Variants in SYNCRIP observed in about 807,000 individuals in gnomAD.
The protein encoded by SYNCRIP is heterogeneous nuclear ribonucleoprotein Q.
In SYNCRIP, 9 loss-of-function variants were observed where a neutral mutation model predicts 68.9. That is an observed-to-expected ratio of 0.13 (90% CI 0.08 to 0.23). SYNCRIP has a LOEUF of 0.23. SYNCRIP is among the 10% of genes least tolerant of loss of function. The pLI, the probability that SYNCRIP is intolerant of heterozygous loss-of-function variation, is 1.00. For synonymous variants in SYNCRIP, 258 were observed against 254.0 expected (o/e 1.02, Z -0.15); for missense variants, 414 against 770.6 (o/e 0.54, Z 5.48).
chr6:85,637,039 G>A lies in SYNCRIP; in HGVS notation c.594C>T (p.Leu198=), dbSNP rs780409622. 7 of 1,614,118 alleles carry A rather than the reference G, an allele frequency of 4.3e-6. No homozygotes were observed. Among genetic ancestry groups the A allele is most frequent in the East Asian group, 4.5e-5 (2 of 44,878 alleles). The change falls in exon 6 of 11, where the codon CTC becomes CTT. Residue 198 remains leucine, a synonymous_variant. Coordinates refer to ENST00000369622, the MANE Select transcript of SYNCRIP (RefSeq NM_006372.5). ...IWDLRLMMDP[L]TGLNRGYAFV... ...ACGCATAACCTCTATTGAGACCAGT[G>A]AGTGGATCCATCATTAGACGAAGAT...
intron 6 of SYNCRIP, among the ~76,000 whole-genome samples, chr6:85,628,243 A>G (rs1446088119): frequency 6.6e-6 from 1 of 151,958 alleles, no homozygotes; most frequent in African/African-American, 2.4e-5. Flanking sequence ...TTTAGTAGAG[A>G]CAGGGTTTCA....
intron 6 of SYNCRIP, among the ~76,000 whole-genome samples, 159 bp from the exon 7 acceptor site, chr6:85,624,271 T>A (rs1032820522): frequency 6.6e-6 from 1 of 152,192 alleles, no homozygotes. Flanking sequence ...ACAAGACCCA[T>A]TGGACAAGTT....
At chr6:85,623,573 A>AACAAAAAAAAAAC (rs1562087703) in intron 7 of SYNCRIP, among the ~76,000 whole-genome samples, 1 of 149,518 alleles carries the variant, frequency 6.7e-6, no homozygotes, top group East Asian at 2.0e-4. Flanking sequence ...AAAAAAAAAA[A>AACAAAAAAAAAAC]AAAAAAAAAA....
chr6:85,614,140 C>G lies in SYNCRIP; in HGVS notation c.*616G>C. 1.0e-6 allele frequency: 1 copy of G among 985,788 alleles called. No homozygotes were observed. Among genetic ancestry groups the G allele is most frequent in the Non-Finnish European group, 1.2e-6 (1 of 829,916 alleles). The allele number at this position is 985,788 out of a possible 1,614,324, so 61.1% of individuals were successfully genotyped here. ...CACAAAACCCTTTAATTGGCCTTGA[C>G]ATGCTATACAATTTGAACCAAATTT... On this transcript the variant is annotated 3_prime_UTR_variant, in exon 11 of 11. Coordinates refer to ENST00000369622, the MANE Select transcript of SYNCRIP (RefSeq NM_006372.5).
At chr6:85,623,884 TA>T in intron 7 of SYNCRIP, 92 bp downstream of exon 7, 1 of 1,462,496 alleles carries the variant, frequency 6.8e-7, no homozygotes, top group African/African-American at 1.4e-5. Flanking sequence ...GATGAGTCAA[TA>T]AATGTATTTA....
chr6:85,609,248 C>G (rs952421643), downstream of SYNCRIP: 2 of 151,818 alleles, frequency 1.3e-5, no homozygotes, highest in African/African-American at 4.8e-5. Context: ...TAATTTCTCT[C>G]CTTAAAATAG....
At chr6:85,618,782 A>G (rs1188364124) in intron 10 of SYNCRIP, 36 bp downstream of exon 10, 4 of 1,519,694 alleles carry the variant, frequency 2.6e-6, no homozygotes, top group Non-Finnish European at 3.6e-6. Context: ...AAATATTAAA[A>G]TTTATACAAT....
intron 8 of SYNCRIP, among the ~76,000 whole-genome samples, chr6:85,621,725 ACTG>A (rs1318308317): frequency 6.6e-6 from 1 of 152,134 alleles, no homozygotes; most frequent in Non-Finnish European, 1.5e-5. Flanking sequence ...GTCTCCACTG[ACTG>A]CTGAAGTCAG....
chr6:85,635,047 C>T (rs1808287055), intron 6 of SYNCRIP, among the ~76,000 whole-genome samples: 2 of 152,144 alleles, frequency 1.3e-5, no homozygotes, highest in South Asian at 4.1e-4. Context: ...CGCCTATTAT[C>T]CCAGCTACTC....
rs1320485056 is a variant in SYNCRIP, at chr6:85,614,147, T to G, written c.*609A>C. 1 of 985,774 alleles carries G rather than the reference T, an allele frequency of 1.0e-6. No individual in the cohort carries two copies. Among genetic ancestry groups the G allele is most frequent in the Admixed American group, 6.1e-5 (1 of 16,268 alleles). The allele number at this position is 985,774 out of a possible 1,614,324, so 61.1% of individuals were successfully genotyped here. ...CCCTTTAATTGGCCTTGACATGCTA[T>G]ACAATTTGAACCAAATTTGCAGGAA... On this transcript the variant is annotated 3_prime_UTR_variant, in exon 11 of 11. Transcript: ENST00000369622.
At chr6:85,639,601 G>A (rs538642664) in intron 4 of SYNCRIP, among the ~76,000 whole-genome samples, 1 of 152,130 alleles carries the variant, frequency 6.6e-6, no homozygotes, top group South Asian at 2.1e-4. Context: ...AAGCACACCA[G>A]GTTAAAAAGT....
At chr6:85,612,964 TA>T (rs1442952583), downstream of SYNCRIP, 2 of 1,545,520 alleles carry the variant, frequency 1.3e-6, no homozygotes, top group Non-Finnish European at 1.8e-6. Context: ...TAAATCATCT[TA>T]AATTAATAAT....
rs1809299062 is a variant in SYNCRIP at position 85,642,400 on chromosome 6, A to G, written c.-13+397T>C. On this transcript the variant is annotated intron_variant, in intron 1 of 10. Coordinates refer to ENST00000369622, the MANE Select transcript of SYNCRIP (RefSeq NM_006372.5). The stretch of plus-strand genomic sequence containing the variant: ...GCAACCCAGCAGCGTGAGGGCGTTC[A>G]GCGGACGGCTCAACGCCCGCGGGAC... Among the ~76,000 whole-genome samples the G allele has an allele frequency of 3.3e-5, 5 of 152,262 alleles. No homozygotes were observed. In the South Asian group the frequency reaches 8.3e-4, roughly 25 times the overall value.
At chr6:85,634,860 G>T (rs1198790547) in intron 6 of SYNCRIP, among the ~76,000 whole-genome samples, 1 of 152,128 alleles carries the variant, frequency 6.6e-6, no homozygotes, top group Non-Finnish European at 1.5e-5. Context: ...TAGGAGGACT[G>T]CTTGAGACCA....
chr6:85,634,399 T>C (rs1337010175), intron 6 of SYNCRIP, among the ~76,000 whole-genome samples: 1 of 152,224 alleles, frequency 6.6e-6, no homozygotes, highest in Non-Finnish European at 1.5e-5. Flanking sequence ...GTCAGTTTAA[T>C]GATTCTTTTT....
At position 85,614,322 on chromosome 6, in the gene SYNCRIP, G is replaced by C; in HGVS notation, c.*434C>G. On this transcript the variant is annotated 3_prime_UTR_variant, in exon 11 of 11. Coordinates refer to ENST00000369622, the MANE Select transcript of SYNCRIP (RefSeq NM_006372.5). ...AGGTCAAAGTTCTAAATTAAAAATAGCAGTTGTGTATCAATTTACCTTATT... is the reference window on the plus strand; with the variant it reads ...AGGTCAAAGTTCTAAATTAAAAATACCAGTTGTGTATCAATTTACCTTATT... 1 of 987,030 alleles carries C rather than the reference G, an allele frequency of 1.0e-6. No individual in the cohort carries two copies. Among genetic ancestry groups the C allele is most frequent in the Non-Finnish European group, 1.2e-6 (1 of 830,804 alleles). The allele number at this position is 987,030 out of a possible 1,614,324, so 61.1% of individuals were successfully genotyped here.
At chr6:85,613,307 C>T (rs781722449), downstream of SYNCRIP, among the ~76,000 whole-genome samples, 8 of 152,072 alleles carry the variant, frequency 5.3e-5, no homozygotes, top group Non-Finnish European at 8.8e-5. Flanking sequence ...ATGCTGAAAG[C>T]AAACATCTCA....
At chr6:85,611,279 TAA>T (rs896311847), downstream of SYNCRIP, 13 of 152,528 alleles carry the variant, frequency 8.5e-5, no homozygotes, top group East Asian at 1.9e-4. Flanking sequence ...ATAAAAAAAA[TAA>T]AAACTTTATT....
Position 85,632,752 on chromosome 6 carries a change from G to A in SYNCRIP, c.666+4215C>T, listed in dbSNP as rs1807948613. The stretch of plus-strand genomic sequence containing the variant: ...AGGCCAAGAGTTCAAGACTAGCCTG[G>A]ACAACATAGTGAGACACCACCTCTA... On this transcript the variant is annotated intron_variant, in intron 6 of 10. Transcript: ENST00000369622. Among the ~76,000 whole-genome samples the A allele has an allele frequency of 2.6e-5, 4 of 151,804 alleles. No homozygotes were observed. The South Asian group carries it at 8.3e-4, about 32-fold the overall frequency.
Sources: allele counts gnomAD v4.1 joint callset (sites outside exome capture counted in the v4.1 genomes callset), GRCh38; gene constraint gnomAD v4.1.1; transcripts MANE v1.5; gene names NCBI Gene and HGNC (gene_info 2026-07-23, HGNC 2026-07-21).